The following OR2L13 variants were observed in gnomAD, a reference collection of about 807,000 sequenced individuals.
The protein encoded by OR2L13 is olfactory receptor family 2 subfamily L member 13.
OR2L13 carries 14 observed loss-of-function variants against 15.3 expected under a neutral mutation model. That is an observed-to-expected ratio of 0.91 (90% CI 0.60 to 1.43). OR2L13 has a LOEUF of 1.43. Ranked by LOEUF, OR2L13 falls within the 40% of genes most tolerant of loss-of-function variation. The pLI, the probability that OR2L13 is intolerant of heterozygous loss-of-function variation, is 0.00. For missense variants in OR2L13, 367 were observed against 387.9 expected, an observed-to-expected ratio of 0.95 and a Z score of 0.45; for synonymous variants, 152 against 142.9, an observed-to-expected ratio of 1.06 and a Z score of -0.45.
the OR2L13 span, among the ~76,000 whole-genome samples, chr1:247,991,589 G>C: frequency 4.7e-5 from 7 of 149,174 alleles, no homozygotes; most frequent in African/African-American, 1.7e-4. Context: ...AGACTCAGTT[G>C]GGTGTCAAGT....
chr1:248,033,335 T>C, the OR2L13 span, among the ~76,000 whole-genome samples: 1 of 152,236 alleles, frequency 6.6e-6, no homozygotes, highest in Admixed American at 6.5e-5. Flanking sequence ...TTGAAAAGAC[T>C]GTCCCTTCCA....
the OR2L13 span, among the ~76,000 whole-genome samples, chr1:247,941,033 G>A: frequency 6.6e-6 from 1 of 151,888 alleles, no homozygotes; most frequent in Non-Finnish European, 1.5e-5. Flanking sequence ...ATGCTTGTTG[G>A]CCACTTGTAT....
At chr1:247,973,953 G>A in the OR2L13 span, among the ~76,000 whole-genome samples, 1 of 151,988 alleles carries the variant, frequency 6.6e-6, no homozygotes, top group Admixed American at 6.6e-5. Context: ...ATTATAAATC[G>A]CTCTAGTATA....
At chr1:248,056,963 A>G in the OR2L13 span, among the ~76,000 whole-genome samples, 3 of 151,980 alleles carry the variant, frequency 2.0e-5, no homozygotes, top group Non-Finnish European at 4.4e-5. Flanking sequence ...AGGGGGCTTT[A>G]ATCTTGAGTT....
chr1:248,091,513 TC>T (rs1664596033), upstream of OR2L13, among the ~76,000 whole-genome samples: 1 of 152,112 alleles, frequency 6.6e-6, no homozygotes, highest in Non-Finnish European at 1.5e-5. Context: ...TAGCTAGTTA[TC>T]CCAGCACCAT....
chr1:248,084,964 C>G, the OR2L13 span, among the ~76,000 whole-genome samples: 1 of 152,194 alleles, frequency 6.6e-6, no homozygotes, highest in South Asian at 2.1e-4. Context: ...TACTGCTATT[C>G]TCTTCCAGCA....
chr1:248,069,436 T>C, the OR2L13 span, among the ~76,000 whole-genome samples: 1 of 152,148 alleles, frequency 6.6e-6, no homozygotes, highest in African/African-American at 2.4e-5. Flanking sequence ...AGAGATTTTG[T>C]CACCACCAGG....
chr1:248,089,368 CA>C, the OR2L13 span, among the ~76,000 whole-genome samples: 1 of 151,990 alleles, frequency 6.6e-6, no homozygotes, highest in Non-Finnish European at 1.5e-5. Context: ...ATGGTGGCTT[CA>C]TTATATAGGC....
chr1:247,997,096 G>A, the OR2L13 span: 1 of 152,064 alleles, frequency 6.6e-6, no homozygotes, highest in African/African-American at 2.4e-5. Context: ...ACTAGCCTAT[G>A]CATATCAAAA....
chr1:248,046,812 A>T, the OR2L13 span: 1 of 152,194 alleles, frequency 6.6e-6, no homozygotes, highest in Non-Finnish European at 1.5e-5. Context: ...ATTTGTTTCT[A>T]TGATGACTGT....
chr1:248,019,856 G>A, the OR2L13 span, among the ~76,000 whole-genome samples: 1 of 151,920 alleles, frequency 6.6e-6, no homozygotes, highest in Non-Finnish European at 1.5e-5. Flanking sequence ...CTACAATCTT[G>A]GCTCACTGCA....
the OR2L13 span, among the ~76,000 whole-genome samples, chr1:247,987,912 A>G: frequency 2.6e-5 from 4 of 152,028 alleles, no homozygotes; most frequent in Non-Finnish European, 4.4e-5. Flanking sequence ...AAAAATATAT[A>G]TTCTTGTAAA....
the OR2L13 span, chr1:248,038,977 A>G: frequency 5.0e-6 from 8 of 1,613,978 alleles, no homozygotes; most frequent in Non-Finnish European, 2.5e-6. Flanking sequence ...AAGAAGGCCT[A>G]TTCAACCTGT....
chr1:248,057,786 C>G, the OR2L13 span, among the ~76,000 whole-genome samples: 2 of 151,984 alleles, frequency 1.3e-5, no homozygotes, highest in Non-Finnish European at 2.9e-5. Flanking sequence ...GTGTAGTTTT[C>G]AGATTGTTCT....
the OR2L13 span, among the ~76,000 whole-genome samples, chr1:248,070,996 C>T: frequency 1.3e-5 from 2 of 152,096 alleles, no homozygotes; most frequent in South Asian, 2.1e-4. Context: ...AGCTTACCAA[C>T]CAAAAAGAGT....
the OR2L13 span, chr1:247,991,204 T>C: frequency 6.4e-7 from 1 of 1,562,620 alleles, no homozygotes; most frequent in African/African-American, 1.4e-5. Flanking sequence ...AGTGAAAATA[T>C]AGACATACGT....
chr1:248,017,265 T>C, the OR2L13 span, among the ~76,000 whole-genome samples: 1 of 152,192 alleles, frequency 6.6e-6, no homozygotes, highest in Non-Finnish European at 1.5e-5. Flanking sequence ...CCTGTTTGGA[T>C]TTATTTTTAC....
the OR2L13 span, among the ~76,000 whole-genome samples, chr1:248,010,071 CA>C: frequency 6.6e-6 from 1 of 152,056 alleles, no homozygotes; most frequent in Non-Finnish European, 1.5e-5. Context: ...ACTGAATGGG[CA>C]AAAGCTGGAA....
the OR2L13 span, among the ~76,000 whole-genome samples, chr1:247,967,032 A>AACACATC: frequency 1.4e-5 from 1 of 71,714 alleles, no homozygotes; most frequent in Non-Finnish European, 3.8e-5. Flanking sequence ...TGTGCATGCA[A>AACACATC]ACACACCACA....
Sources: gnomAD v4.1 joint callset for allele counts (sites outside exome capture counted in the v4.1 genomes callset) on GRCh38, gnomAD v4.1.1 for gene constraint, MANE v1.5 for transcripts, NCBI Gene and HGNC (gene_info 2026-07-23, HGNC 2026-07-21) for gene names.